Variants in ZMYM2 observed in about 807,000 individuals in gnomAD.
The protein encoded by ZMYM2 is zinc finger MYM-type protein 2.
In ZMYM2, 56 loss-of-function variants were observed where a neutral mutation model predicts 162.8. That is an observed-to-expected ratio of 0.34 (90% CI 0.28 to 0.43). The LOEUF is 0.43. Ranked by LOEUF, ZMYM2 falls within the 20% of genes least tolerant of loss-of-function variation. The pLI is 1.00. For synonymous variants in ZMYM2, 510 were observed against 541.6 expected (o/e 0.94, Z 0.81); for missense variants, 1,275 against 1,621.8 (o/e 0.79, Z 3.67).
intron 2 of ZMYM2, among the ~76,000 whole-genome samples, chr13:19,986,173 G>A (rs544279156): frequency 1.9e-4 from 28 of 151,302 alleles, no homozygotes; most frequent in African/African-American, 6.9e-4. Flanking sequence ...CTCCAGCCTA[G>A]GCAATAGAGC....
intron 14 of ZMYM2, among the ~76,000 whole-genome samples, chr13:20,054,843 T>A (rs1047130582): frequency 6.6e-6 from 1 of 152,172 alleles, no homozygotes; most frequent in African/African-American, 2.4e-5. Flanking sequence ...ACAGATACTG[T>A]TTGCTAAGTT....
At chr13:19,906,979 G>A in the ZMYM2 span, among the ~76,000 whole-genome samples, 141 of 152,158 alleles carry the variant, frequency 9.3e-4, 1 homozygote, top group African/African-American at 3.0e-3. Flanking sequence ...GACTGCCTTG[G>A]CATCCCAAAA....
chr13:19,990,036 T>C (rs1283384582), intron 2 of ZMYM2, among the ~76,000 whole-genome samples: 1 of 152,224 alleles, frequency 6.6e-6, no homozygotes, highest in Admixed American at 6.5e-5. Flanking sequence ...TTTTTCCCTC[T>C]TGTTCCCACA....
At chr13:19,879,657 T>C in the ZMYM2 span, among the ~76,000 whole-genome samples, 1 of 152,160 alleles carries the variant, frequency 6.6e-6, no homozygotes, top group Non-Finnish European at 1.5e-5. Context: ...AATTTTAGAG[T>C]GGGCTTTTCT....
In ZMYM2 at chr13:20,087,755, T is replaced by G. The variant is rs902290540; in HGVS notation, c.*1741T>G. ...TATTGTTGAGTGATAATCAGACTGA[T>G]AGTAGCAAATCTGATCATACATTAC... is the stretch of plus-strand genomic sequence containing the variant. On this transcript the variant is annotated 3_prime_UTR_variant, in exon 25 of 25. Coordinates refer to ENST00000610343, the MANE Select transcript of ZMYM2 (RefSeq NM_197968.4). The G allele has an allele frequency of 5.4e-6, 1 of 186,342 alleles. No homozygotes were observed. Among genetic ancestry groups the G allele is most frequent in the Non-Finnish European group, 1.1e-5 (1 of 88,062 alleles). The allele number at this position is 186,342 out of a possible 1,614,324, so 11.5% of individuals were successfully genotyped here. A position where few individuals can be genotyped will look rare whatever the true frequency, so the allele number is the denominator to read the frequency against.
chr13:20,001,395 A>C (rs372442966), intron 3 of ZMYM2, among the ~76,000 whole-genome samples: 1 of 43,284 alleles, frequency 2.3e-5, no homozygotes, highest in Non-Finnish European at 8.3e-5. Context: ...GTCTCAAAAG[A>C]AAAAAAAAAA....
the ZMYM2 span, among the ~76,000 whole-genome samples, chr13:19,886,431 G>C: frequency 1.3e-5 from 2 of 151,758 alleles, no homozygotes; most frequent in South Asian, 4.2e-4. Context: ...CCAAAGTGCT[G>C]GGTTTACAGG....
chr13:19,942,979 C>T, the ZMYM2 span, among the ~76,000 whole-genome samples: 17,673 of 152,066 alleles, frequency 0.12, 1,897 homozygotes, highest in African/African-American at 0.28. Flanking sequence ...TACTGCAAAC[C>T]GGGTGGCTTA....
chr13:20,029,872 G>A (rs569475706), intron 9 of ZMYM2, among the ~76,000 whole-genome samples: 13 of 149,890 alleles, frequency 8.7e-5, no homozygotes, highest in Admixed American at 8.0e-4. Context: ...ATCTCGGCTC[G>A]CTGCAATCTC....
At chr13:20,007,036 T>A (rs1277013880) in intron 6 of ZMYM2, among the ~76,000 whole-genome samples, 1 of 152,242 alleles carries the variant, frequency 6.6e-6, no homozygotes, top group Non-Finnish European at 1.5e-5. Flanking sequence ...TGAATTTATT[T>A]CCTCTTTGGG....
At chr13:20,050,151 G>C (rs1169569494) in intron 12 of ZMYM2, among the ~76,000 whole-genome samples, 1 of 151,694 alleles carries the variant, frequency 6.6e-6, no homozygotes, top group Non-Finnish European at 1.5e-5. Flanking sequence ...TTGTGATATT[G>C]CATCACTTAG....
intron 2 of ZMYM2, among the ~76,000 whole-genome samples, chr13:19,971,886 T>C (rs1435687611): frequency 6.6e-6 from 1 of 151,658 alleles, no homozygotes. Context: ...AAAAACTAGA[T>C]GTAGAGAGTA....
At position 20,031,442 on chromosome 13, in the gene ZMYM2, T is replaced by C. The variant is rs1953126467; in HGVS notation, c.1968+7T>C. ...AGAAATCCTGGAATGGGAGGCAAGTTGTATTTTGTAATGTGTGTTATCTAA... is the reference window on the plus strand; with the variant it reads ...AGAAATCCTGGAATGGGAGGCAAGTCGTATTTTGTAATGTGTGTTATCTAA... On this transcript the variant is annotated splice_region_variant and intron_variant, in intron 10 of 24. Coordinates refer to ENST00000610343, the MANE Select transcript of ZMYM2 (RefSeq NM_197968.4). 1.3e-6 allele frequency: 2 copies of C among 1,573,036 alleles called. No homozygotes were observed. Among genetic ancestry groups the C allele is most frequent in the East Asian group, 2.3e-5 (1 of 43,978 alleles).
the ZMYM2 span, among the ~76,000 whole-genome samples, chr13:19,943,332 A>G: frequency 6.6e-6 from 1 of 152,168 alleles, no homozygotes; most frequent in Non-Finnish European, 1.5e-5. Flanking sequence ...CCATTTCCAA[A>G]TAAGATTACA....
chr13:19,868,015 T>C, the ZMYM2 span, among the ~76,000 whole-genome samples: 1 of 152,238 alleles, frequency 6.6e-6, no homozygotes, highest in Admixed American at 6.5e-5. Context: ...ATTTGGAGCT[T>C]GCCAGCTCCC....
intron 7 of ZMYM2, 199 bp downstream of exon 7, chr13:20,019,817 A>G: frequency 3.6e-6 from 2 of 561,620 alleles, no homozygotes; most frequent in South Asian, 2.4e-5. Flanking sequence ...TTTTCTTGTG[A>G]TATGCTCATT....
intron 10 of ZMYM2, 37 bp downstream of exon 10, chr13:20,031,472 A>G (rs1953131027): frequency 2.3e-6 from 3 of 1,305,888 alleles, no homozygotes; most frequent in Admixed American, 2.6e-5. Flanking sequence ...ATCTAATGCT[A>G]AAAAGAAAGT....
At chr13:19,998,738 C>T (rs902433234) in intron 3 of ZMYM2, among the ~76,000 whole-genome samples, 2 of 152,012 alleles carry the variant, frequency 1.3e-5, no homozygotes, top group Admixed American at 6.6e-5. Context: ...TCTGAATAGC[C>T]CCTCGAAACC....
the ZMYM2 span, among the ~76,000 whole-genome samples, chr13:19,903,366 G>A: frequency 3.2e-4 from 48 of 150,818 alleles, no homozygotes; most frequent in Admixed American, 1.1e-3. Flanking sequence ...TTGGCTGGGC[G>A]CAGTGGCTCA....
Sources: gnomAD v4.1 joint callset for allele counts (sites outside exome capture counted in the v4.1 genomes callset) on GRCh38, gnomAD v4.1.1 for gene constraint, MANE v1.5 for transcripts, NCBI Gene and HGNC (gene_info 2026-07-23, HGNC 2026-07-21) for gene names.